UBR2: variants seen among roughly 807,000 people sequenced by gnomAD.
UBR2 encodes the protein E3 ubiquitin-protein ligase UBR2.
A neutral mutation model predicts 247.9 loss-of-function variants in UBR2; 92 were observed. The observed-to-expected ratio is 0.37, with a 90% confidence interval of 0.31 to 0.44. The LOEUF (loss-of-function observed/expected upper bound fraction) is 0.44. Among genes scored for constraint, UBR2 ranks in the 20% least tolerant of loss-of-function variants. The probability of loss-of-function intolerance (pLI) is 1.00; values close to 1 mark genes in which losing one functional copy is unlikely to be tolerated. For synonymous variants in UBR2, 672 were observed against 693.5 expected, an observed-to-expected ratio of 0.97 and a Z score of 0.49; for missense variants, 1,613 against 2,112.6, an observed-to-expected ratio of 0.76 and a Z score of 4.64.
chr6:42,612,898 C>G (rs1794182985), intron 8 of UBR2, among the ~76,000 whole-genome samples: 1 of 152,134 alleles, frequency 6.6e-6, no homozygotes, highest in Admixed American at 6.5e-5. Flanking sequence ...GTCAGGAGTT[C>G]AAGACCAGCC....
chr6:42,654,772 G>A (rs1797341694), intron 25 of UBR2, among the ~76,000 whole-genome samples: 1 of 152,028 alleles, frequency 6.6e-6, no homozygotes, highest in Non-Finnish European at 1.5e-5. Flanking sequence ...AAAACAAATA[G>A]GTTGATACAG....
intron 3 of UBR2, 43 bp downstream of exon 3, chr6:42,592,272 T>C (rs776405574): frequency 7.4e-7 from 1 of 1,346,716 alleles, no homozygotes; most frequent in Non-Finnish European, 9.9e-7. Flanking sequence ...TATTGCATTT[T>C]ATAATAAATA....
At chr6:42,636,463 G>A (rs1796100776) in intron 14 of UBR2, among the ~76,000 whole-genome samples, 1 of 152,114 alleles carries the variant, frequency 6.6e-6, no homozygotes, top group African/African-American at 2.4e-5. Context: ...ACCAGCGTGA[G>A]CCACCACACT....
rs1039185306 is a variant in UBR2 at position 42,693,435 on chromosome 6, G to A, written c.*2262G>A. On this transcript the variant is annotated 3_prime_UTR_variant, in exon 47 of 47. Coordinates refer to ENST00000372901, the MANE Select transcript of UBR2 (RefSeq NM_001363705.2). ...TAACTTTAATATCTGTGGACAACTT[G>A]TAAAATTTGGAATGTATCATATGTA... 6.6e-6 allele frequency: 1 copy of A among 152,144 alleles called. No homozygotes were observed. Among genetic ancestry groups the A allele is most frequent in the African/African-American group, 2.4e-5 (1 of 41,406 alleles). The allele number at this position is 152,144 out of a possible 1,614,324, so 9.4% of individuals were successfully genotyped here.
Position 42,674,106 on chromosome 6 carries a change from A to G in UBR2, c.4184-20A>G. ...GTTGGCATATGAAATATGCTAATGT[A>G]TTTCTCTTTAAATCTGTAGCACTGG... On this transcript the variant is annotated intron_variant, in intron 37 of 46. Coordinates refer to ENST00000372901, the MANE Select transcript of UBR2 (RefSeq NM_001363705.2). 6.2e-7 allele frequency: 1 copy of G among 1,608,128 alleles called. No individual in the cohort carries two copies. The highest frequency in any genetic ancestry group is 8.5e-7 in the Non-Finnish European group (1 of 1,176,894).
intron 20 of UBR2, among the ~76,000 whole-genome samples, chr6:42,644,916 C>G (rs1031815004): frequency 6.6e-6 from 1 of 152,082 alleles, no homozygotes; most frequent in Admixed American, 6.6e-5. Flanking sequence ...AAAGTATCTT[C>G]TTGACTTCAG....
intron 11 of UBR2, among the ~76,000 whole-genome samples, chr6:42,628,783 T>C (rs964309544): frequency 6.6e-6 from 1 of 151,932 alleles, no homozygotes; most frequent in African/African-American, 2.4e-5. Context: ...TGATAGTTGT[T>C]CTAATTTATT....
intron 2 of UBR2, among the ~76,000 whole-genome samples, chr6:42,581,638 C>G (rs768386082): frequency 9.2e-5 from 14 of 152,164 alleles, no homozygotes; most frequent in Non-Finnish European, 1.8e-4. Context: ...GGTTCTAGAT[C>G]TTATAAAAAT....
At chr6:42,623,915 A>C (rs961893153) in intron 11 of UBR2, among the ~76,000 whole-genome samples, 1 of 152,108 alleles carries the variant, frequency 6.6e-6, no homozygotes, top group Non-Finnish European at 1.5e-5. Context: ...AAATAAACCA[A>C]ACTTGGTTGT....
At chr6:42,578,600 GT>G (rs1010737096) in intron 2 of UBR2, among the ~76,000 whole-genome samples, 4 of 151,688 alleles carry the variant, frequency 2.6e-5, no homozygotes, top group Non-Finnish European at 4.4e-5. Context: ...TATGTGTGAG[GT>G]TTTTTTTAAT....
At chr6:42,668,684 C>G (rs1260607528) in intron 34 of UBR2, among the ~76,000 whole-genome samples, 1 of 152,134 alleles carries the variant, frequency 6.6e-6, no homozygotes, top group East Asian at 1.9e-4. Context: ...TCAGATGATC[C>G]ACCCACCTCG....
At chr6:42,683,575 G>A (rs915867067) in intron 43 of UBR2, among the ~76,000 whole-genome samples, 1 of 152,042 alleles carries the variant, frequency 6.6e-6, no homozygotes, top group Non-Finnish European at 1.5e-5. Flanking sequence ...ATAGTAAAGT[G>A]TGCTCTACCA....
intron 1 of UBR2, 81 bp downstream of exon 1, chr6:42,564,478 G>A (rs1187445629): frequency 6.7e-7 from 1 of 1,489,798 alleles, no homozygotes; most frequent in Non-Finnish European, 9.1e-7. Flanking sequence ...GGACGTCCTG[G>A]AGCAGCCCGA....
At chr6:42,583,719 T>C (rs1792061089) in intron 2 of UBR2, among the ~76,000 whole-genome samples, 1 of 152,044 alleles carries the variant, frequency 6.6e-6, no homozygotes, top group Non-Finnish European at 1.5e-5. Flanking sequence ...AGACAGGTTT[T>C]CACCATGTTG....
At chr6:42,615,223 G>A in intron 9 of UBR2, 45 bp downstream of exon 9, 1 of 1,431,554 alleles carries the variant, frequency 7.0e-7, no homozygotes, top group Non-Finnish European at 9.5e-7. Flanking sequence ...ACCTATATAA[G>A]TAATTGGGAT....
Position 42,659,516 on chromosome 6 carries a change from TATATACACACAC to T in UBR2, c.3243-138_3243-127del. On this transcript the variant is annotated intron_variant, in intron 29 of 46. Coordinates refer to ENST00000372901, the MANE Select transcript of UBR2 (RefSeq NM_001363705.2). The surrounding 1 kb of genome is among the most constrained non-coding windows in gnomAD (Gnocchi z 4.3). ...CTCTGTCTCAAAAAATAAATAAATA[TATATACACACAC>T]ACACACACACACACACACACACACA... The T allele has an allele frequency of 3.9e-6, 2 of 510,008 alleles. No individual in the cohort carries two copies. Among genetic ancestry groups the T allele is most frequent in the South Asian group, 2.7e-5 (1 of 37,576 alleles). 31.6% of individuals were successfully genotyped at this position (510,008 alleles called of 1,614,324 possible). A position where few individuals can be genotyped will look rare whatever the true frequency, so the allele number is the denominator to read the frequency against.
At chr6:42,575,690 G>A (rs1247407972) in intron 2 of UBR2, among the ~76,000 whole-genome samples, 1 of 152,104 alleles carries the variant, frequency 6.6e-6, no homozygotes. Context: ...GAAATCATGT[G>A]TTTTAACCCT....
At chr6:42,632,526 T>C (rs753853497) in intron 11 of UBR2, 26 bp from the exon 12 acceptor site, 3 of 1,569,218 alleles carry the variant, frequency 1.9e-6, no homozygotes, top group African/African-American at 2.7e-5. Context: ...TTGATTACCA[T>C]GCACTCTGAT....
chr6:42,680,635 A>G (rs929209299), intron 42 of UBR2, among the ~76,000 whole-genome samples: 3 of 152,186 alleles, frequency 2.0e-5, no homozygotes, highest in Non-Finnish European at 4.4e-5. Context: ...CAATACCCTC[A>G]ACTTTATATT....
Sources: gnomAD v4.1 joint callset for allele counts (sites outside exome capture counted in the v4.1 genomes callset) on GRCh38, gnomAD v4.1.1 for gene constraint, Gnocchi (gnomAD v3.1) non-coding constraint, MANE v1.5 for transcripts, NCBI Gene and HGNC (gene_info 2026-07-23, HGNC 2026-07-21) for gene names.